Variants in NF2 observed in about 807,000 individuals in gnomAD.
NF2 encodes merlin.
Under a neutral mutation model 83.7 loss-of-function variants are expected in NF2, and 8 were observed. The ratio of observed to expected loss-of-function variants is 0.10; its 90% CI spans 0.06 to 0.17. The LOEUF (loss-of-function observed/expected upper bound fraction) is 0.17, where lower values mean the gene tolerates loss of function less well. Ranked by LOEUF, NF2 falls within the 10% of genes least tolerant of loss-of-function variation. NF2 has a pLI of 1.00. For missense variants in NF2, 533 were observed against 744.4 expected (o/e 0.72, Z 3.31); for synonymous variants, 266 against 269.6 (o/e 0.99, Z 0.13).
intron 1 of NF2, among the ~76,000 whole-genome samples, chr22:29,620,995 T>C (rs943626477): frequency 2.0e-5 from 3 of 152,200 alleles, no homozygotes; most frequent in African/African-American, 7.2e-5. Flanking sequence ...ATACATAGCA[T>C]GCTTAAAGGC....
chr22:29,664,759 C>T (rs766273262), intron 8 of NF2, among the ~76,000 whole-genome samples: 15 of 152,224 alleles, frequency 9.9e-5, no homozygotes, highest in Non-Finnish European at 1.8e-4. Flanking sequence ...CCTTCCCACA[C>T]TCATGCCTAA....
chr22:29,681,714 T>C, intron 15 of NF2, 113 bp downstream of exon 15: 2 of 1,354,082 alleles, frequency 1.5e-6, no homozygotes, highest in Non-Finnish European at 2.1e-6. Context: ...GCATCTTTTG[T>C]ATGTACTTAG....
chr22:29,645,910 T>G (rs1439282279), intron 4 of NF2, among the ~76,000 whole-genome samples: 1 of 152,226 alleles, frequency 6.6e-6, no homozygotes, highest in African/African-American at 2.4e-5. Context: ...AGCTATTTTT[T>G]CTGGTGTAAA....
At chr22:29,679,939 C>T (rs1338085350) in intron 14 of NF2, among the ~76,000 whole-genome samples, 3 of 151,936 alleles carry the variant, frequency 2.0e-5, no homozygotes, top group African/African-American at 7.3e-5. Context: ...GATCAAGGCA[C>T]GGGCAGAGGT....
chr22:29,658,059 G>A (rs2066365710), intron 6 of NF2, 130 bp from the exon 7 acceptor site: 4 of 778,644 alleles, frequency 5.1e-6, no homozygotes, highest in Non-Finnish European at 6.7e-6. Context: ...GGTGTCTGCT[G>A]TGGCTTTTGT....
chr22:29,613,759 C>A (rs2065013279), intron 1 of NF2, among the ~76,000 whole-genome samples: 2 of 144,806 alleles, frequency 1.4e-5, no homozygotes, highest in Admixed American at 1.4e-4. Context: ...CCTTTCTTTT[C>A]TTTTTTCTTT....
chr22:29,637,843 G>A (rs149061274), intron 2 of NF2, among the ~76,000 whole-genome samples: 463 of 152,310 alleles, frequency 3.0e-3, no homozygotes, highest in African/African-American at 0.01. Flanking sequence ...GTGCCACTGG[G>A]GGCCACTGTC....
At chr22:29,664,725 G>A (rs150735493) in intron 8 of NF2, among the ~76,000 whole-genome samples, 229 of 152,346 alleles carry the variant, frequency 1.5e-3, no homozygotes, top group African/African-American at 5.3e-3. Context: ...CATTAAGGAT[G>A]CTTATTTTAG....
intron 14 of NF2, among the ~76,000 whole-genome samples, chr22:29,680,445 C>T (rs536120517): frequency 2.0e-5 from 3 of 152,338 alleles, no homozygotes; most frequent in East Asian, 1.9e-4. Context: ...TTTGAAGACA[C>T]GAACATTCAG....
intron 15 of NF2, among the ~76,000 whole-genome samples, chr22:29,691,466 C>T (rs1363173303): frequency 6.6e-6 from 1 of 152,226 alleles, no homozygotes; most frequent in Admixed American, 6.5e-5. Context: ...TGGGCCTGCA[C>T]ACCTTAGGGT....
At chr22:29,608,231 A>G (rs2064854880) in intron 1 of NF2, among the ~76,000 whole-genome samples, 1 of 148,132 alleles carries the variant, frequency 6.8e-6, no homozygotes, top group African/African-American at 2.5e-5. Flanking sequence ...AACTAGAGGG[A>G]CTCAGGACTC....
At chr22:29,652,325 A>G (rs954672860) in intron 4 of NF2, among the ~76,000 whole-genome samples, 6 of 152,068 alleles carry the variant, frequency 3.9e-5, no homozygotes, top group Admixed American at 1.3e-4. Context: ...ATTTTTTGAG[A>G]TGGAGTTTTG....
chr22:29,603,845 C>T lies in NF2; in HGVS notation c.-154C>T, dbSNP rs1433139942. 5 of 607,016 alleles carry T rather than the reference C, an allele frequency of 8.2e-6. 1 individual carries two copies. The highest frequency in any genetic ancestry group is 6.0e-5 in the South Asian group (3 of 50,236). 37.6% of individuals were successfully genotyped at this position (607,016 alleles called of 1,614,324 possible). ...TCAGGCAGGGTCCTCGCGGCCCATGCTGGCCGCTGGGGACCCGCGCAGCCC... is the reference window on the plus strand; with the variant it reads ...TCAGGCAGGGTCCTCGCGGCCCATGTTGGCCGCTGGGGACCCGCGCAGCCC... On this transcript the variant is annotated 5_prime_UTR_variant, in exon 1 of 16. Coordinates refer to ENST00000338641, the MANE Select transcript of NF2 (RefSeq NM_000268.4).
intron 1 of NF2, among the ~76,000 whole-genome samples, chr22:29,625,837 T>C (rs2065353217): frequency 6.6e-6 from 1 of 152,232 alleles, no homozygotes; most frequent in Admixed American, 6.5e-5. Context: ...TTCTCTTTTT[T>C]GCTTCTTTGC....
chr22:29,617,032 G>A (rs186616294), intron 1 of NF2, among the ~76,000 whole-genome samples: 51 of 152,126 alleles, frequency 3.4e-4, no homozygotes, highest in African/African-American at 1.2e-3. Flanking sequence ...AGGCTCAAGC[G>A]ATTCTTCTGC....
intron 1 of NF2, among the ~76,000 whole-genome samples, chr22:29,635,778 C>T (rs985504574): frequency 1.3e-5 from 2 of 152,168 alleles, no homozygotes; most frequent in African/African-American, 2.4e-5. Context: ...ATTACTCTTT[C>T]ATGACCACCA....
Position 29,671,880 on chromosome 22 carries a change from A to G in NF2, c.1054A>G (p.Thr352Ala), listed in dbSNP as rs2147072551. Reference protein sequence around the residue: ...EKQMREEAERTRDELERRLLQ... With the variant: ...EKQMREEAERARDELERRLLQ... ...GCAGATGAGGGAGGAGGCTGAACGCACGAGGGATGAGTTGGAGAGGAGGCT... is the reference window on the plus strand; with the variant it reads ...GCAGATGAGGGAGGAGGCTGAACGCGCGAGGGATGAGTTGGAGAGGAGGCT... Residue 352 changes from threonine to alanine, a missense_variant, in exon 11 of 16, where the codon ACG (threonine) becomes GCG (alanine). By Grantham distance (58) the Thr-to-Ala change is moderately conservative. This residue lies in a region of NF2 where 326 missense variants were observed against 475.1 expected (regional missense o/e 0.69). Transcript: ENST00000338641. 6.2e-7 allele frequency: 1 copy of G among 1,614,192 alleles called. No individual in the cohort carries two copies. Among genetic ancestry groups the G allele is most frequent in the African/African-American group, 1.3e-5 (1 of 75,052 alleles).
At chr22:29,630,406 T>TTAGTCC (rs1171503825) in intron 1 of NF2, among the ~76,000 whole-genome samples, 4 of 152,356 alleles carry the variant, frequency 2.6e-5, no homozygotes, top group African/African-American at 9.6e-5. Flanking sequence ...CTGATAGCAC[T>TTAGTCC]TAGTCCTGTT....
In NF2 at chr22:29,697,581, T is replaced by C. The variant is rs1477181848; in HGVS notation, c.*2779T>C. 5.7e-6 allele frequency: 1 copy of C among 176,114 alleles called. No homozygotes were observed. The highest frequency in any genetic ancestry group is 6.3e-5 in the Admixed American group (1 of 15,786). The allele number at this position is 176,114 out of a possible 1,614,324, so 10.9% of individuals were successfully genotyped here. A position where few individuals can be genotyped will look rare whatever the true frequency, so the allele number is the denominator to read the frequency against. On this transcript the variant is annotated 3_prime_UTR_variant, in exon 16 of 16. Coordinates refer to ENST00000338641, the MANE Select transcript of NF2 (RefSeq NM_000268.4). ...TGACTGCATCCTTTTTTTTTTTTTT[T>C]TGAGACGGAGTTTTTGCCTTTGTCG...
Sources: gnomAD v4.1 joint callset for allele counts (sites outside exome capture counted in the v4.1 genomes callset) on GRCh38, gnomAD v4.1.1 for gene constraint, gnomAD v4.1.1 regional missense constraint, MANE v1.5 for transcripts, NCBI Gene and HGNC (gene_info 2026-07-23, HGNC 2026-07-21) for gene names.